Variants in COX10 observed in about 807,000 individuals in gnomAD.
The protein encoded by COX10 is protoheme IX farnesyltransferase, mitochondrial.
Under a neutral mutation model 37.3 loss-of-function variants are expected in COX10, and 27 were observed. That is an observed-to-expected ratio of 0.72 (90% CI 0.53 to 1.00). The LOEUF (loss-of-function observed/expected upper bound fraction) is 1.00, where lower values mean the gene tolerates loss of function less well. COX10 is among the 50% of genes least tolerant of loss of function. The pLI is 0.00. For missense variants in COX10, 475 were observed against 563.2 expected (o/e 0.84, Z 1.59); for synonymous variants, 222 against 229.1 (o/e 0.97, Z 0.28).
At chr17:14,094,642 A>G (rs368671906) in intron 3 of COX10, among the ~76,000 whole-genome samples, 1 of 152,220 alleles carries the variant, frequency 6.6e-6, no homozygotes, top group East Asian at 1.9e-4. Context: ...GAGATAACTT[A>G]GATTATAGTA....
intron 4 of COX10, among the ~76,000 whole-genome samples, chr17:14,103,333 T>C (rs2142201142): frequency 6.6e-6 from 1 of 152,296 alleles, no homozygotes. Flanking sequence ...ATAAGCCAAA[T>C]TGATTTATTT....
chr17:14,082,300 C>T (rs940690001), intron 3 of COX10, among the ~76,000 whole-genome samples: 3 of 152,062 alleles, frequency 2.0e-5, no homozygotes, highest in African/African-American at 7.2e-5. Flanking sequence ...TGATCTGGGC[C>T]GGATGTCAAA....
At chr17:14,151,562 C>T (rs910471211) in intron 4 of COX10, among the ~76,000 whole-genome samples, 7 of 149,776 alleles carry the variant, frequency 4.7e-5, no homozygotes, top group Admixed American at 2.0e-4. Flanking sequence ...CACACACACA[C>T]ACACACACAC....
At chr17:14,071,267 G>A (rs1269857502) in intron 1 of COX10, among the ~76,000 whole-genome samples, 1 of 152,072 alleles carries the variant, frequency 6.6e-6, no homozygotes, top group Non-Finnish European at 1.5e-5. Context: ...CTTGACTACT[G>A]TGAATTGCCC....
intron 4 of COX10, among the ~76,000 whole-genome samples, chr17:14,117,632 G>A (rs1916142677): frequency 6.6e-6 from 1 of 152,172 alleles, no homozygotes; most frequent in Non-Finnish European, 1.5e-5. Flanking sequence ...AGACAGGCAG[G>A]TGTAGAGATC....
At chr17:14,116,985 C>G (rs1275553035) in intron 4 of COX10, among the ~76,000 whole-genome samples, 1 of 152,144 alleles carries the variant, frequency 6.6e-6, no homozygotes, top group African/African-American at 2.4e-5. Context: ...TCAACACATT[C>G]TTTTCATGTT....
chr17:14,199,831 A>G (rs1160307574), intron 6 of COX10, among the ~76,000 whole-genome samples: 1 of 152,146 alleles, frequency 6.6e-6, no homozygotes, highest in Non-Finnish European at 1.5e-5. Context: ...TGCCCCTCAA[A>G]AGAAAGGCTT....
At chr17:14,127,918 AGTGT>A (rs1183412636) in intron 4 of COX10, among the ~76,000 whole-genome samples, 1 of 115,454 alleles carries the variant, frequency 8.7e-6, no homozygotes, top group Non-Finnish European at 1.8e-5. Flanking sequence ...AATCTTTAAG[AGTGT>A]GTGTATGTGT....
At chr17:14,182,036 A>T (rs1316031016) in intron 5 of COX10, 2 of 981,392 alleles carry the variant, frequency 2.0e-6, no homozygotes, top group Non-Finnish European at 1.2e-6. Context: ...CTTTCTTCTC[A>T]TCCTTCTAGA....
chr17:14,180,303 T>C (rs542947948), intron 5 of COX10, among the ~76,000 whole-genome samples: 13 of 152,290 alleles, frequency 8.5e-5, no homozygotes, highest in African/African-American at 2.4e-4. Flanking sequence ...TGTTAACCAG[T>C]GAAGTGGCAG....
At chr17:14,176,580 T>C (rs1411794279) in intron 5 of COX10, among the ~76,000 whole-genome samples, 1 of 152,184 alleles carries the variant, frequency 6.6e-6, no homozygotes, top group African/African-American at 2.4e-5. Context: ...TCTCAAACTC[T>C]AGTGAACACA....
In COX10 at chr17:14,074,373, T is replaced by C; in HGVS notation, c.94T>C (p.Ser32Pro). The change falls in exon 2 of 7, where the codon TCC (serine) becomes CCC (proline). Residue 32 changes from serine to proline, a missense_variant. By Grantham distance (74) the Ser-to-Pro change is moderately conservative. Coordinates refer to ENST00000261643, the MANE Select transcript of COX10 (RefSeq NM_001303.4). The part of the protein sequence containing the change: ...WYLERRTIQD[S>P]PHKFLHLLRN... The stretch of plus-strand genomic sequence containing the variant: ...TCTTGAAAGAAGAACTATACAGGAC[T>C]CCCCTCACAAGTTCTTACATCTTCT... 6.2e-7 allele frequency: 1 copy of C among 1,613,850 alleles called. No individual in the cohort carries two copies. The highest frequency in any genetic ancestry group is 8.5e-7 in the Non-Finnish European group (1 of 1,179,736).
At chr17:14,128,925 C>A (rs897533565) in intron 4 of COX10, among the ~76,000 whole-genome samples, 4 of 152,254 alleles carry the variant, frequency 2.6e-5, no homozygotes, top group Non-Finnish European at 5.9e-5. Flanking sequence ...CGGCCCACTG[C>A]AACCTCTGCC....
intron 3 of COX10, among the ~76,000 whole-genome samples, chr17:14,095,664 C>T (rs1043526502): frequency 6.6e-6 from 1 of 152,132 alleles, no homozygotes; most frequent in Non-Finnish European, 1.5e-5. Context: ...AGGGTCTAAC[C>T]GGGCTGAATT....
At chr17:14,089,362 G>A (rs2142191462) in intron 3 of COX10, among the ~76,000 whole-genome samples, 1 of 152,362 alleles carries the variant, frequency 6.6e-6, no homozygotes, top group African/African-American at 2.4e-5. Context: ...GGTTGTGGAT[G>A]TGTACTGATC....
intron 4 of COX10, among the ~76,000 whole-genome samples, chr17:14,121,153 C>G (rs940465841): frequency 6.6e-6 from 1 of 152,172 alleles, no homozygotes; most frequent in Admixed American, 6.5e-5. Context: ...ACTTCCAGTT[C>G]TCTTTTTATA....
At chr17:14,093,784 C>T (rs1028986907) in intron 3 of COX10, among the ~76,000 whole-genome samples, 3 of 152,188 alleles carry the variant, frequency 2.0e-5, no homozygotes, top group Non-Finnish European at 4.4e-5. Context: ...GCCTGTCTTG[C>T]CTGGTTTGTG....
chr17:14,073,081 G>A (rs567218164), intron 1 of COX10, among the ~76,000 whole-genome samples: 134 of 152,312 alleles, frequency 8.8e-4, no homozygotes, highest in African/African-American at 2.8e-3. Context: ...AGGGTCATGG[G>A]CGATGTTGCT....
At position 14,069,517 on chromosome 17, in the gene COX10, G is replaced by C. The variant is rs188803165; in HGVS notation, c.-89G>C. The stretch of plus-strand genomic sequence containing the variant: ...TGGCGGCCCGGAACTACTCCCACAG[G>C]GGGGCGGGGAAGGAAGATGGCGGCG... On this transcript the variant is annotated 5_prime_UTR_variant, in exon 1 of 7. Coordinates refer to ENST00000261643, the MANE Select transcript of COX10 (RefSeq NM_001303.4). 299 of 1,517,274 alleles carry C rather than the reference G, an allele frequency of 2.0e-4. 1 individual carries two copies. Among genetic ancestry groups the C allele is most frequent in the African/African-American group, 7.1e-4 (52 of 73,092 alleles). The allele number at this position is 1,517,274 out of a possible 1,614,324, so 94.0% of individuals were successfully genotyped here. A position where few individuals can be genotyped will look rare whatever the true frequency, so the allele number is the denominator to read the frequency against.
Sources: allele counts gnomAD v4.1 joint callset (sites outside exome capture counted in the v4.1 genomes callset), GRCh38; gene constraint gnomAD v4.1.1; transcripts MANE v1.5; gene names NCBI Gene and HGNC (gene_info 2026-07-23, HGNC 2026-07-21).